SRGAP1: variants seen among roughly 807,000 people sequenced by gnomAD.
SRGAP1 encodes SLIT-ROBO Rho GTPase-activating protein 1.
In SRGAP1, 43 loss-of-function variants were observed where a neutral mutation model predicts 121.9. That is an observed-to-expected ratio of 0.35 (90% CI 0.28 to 0.46). The LOEUF (loss-of-function observed/expected upper bound fraction) is 0.46. Among genes scored for constraint, SRGAP1 ranks in the 20% least tolerant of loss-of-function variants. The pLI is 1.00. For missense variants in SRGAP1, 1,102 were observed against 1,350.9 expected (o/e 0.82, Z 2.89); for synonymous variants, 447 against 485.4 (o/e 0.92, Z 1.04).
intron 4 of SRGAP1, among the ~76,000 whole-genome samples, chr12:64,034,913 A>G (rs909036722): frequency 6.6e-6 from 1 of 152,128 alleles, no homozygotes; most frequent in Non-Finnish European, 1.5e-5. Flanking sequence ...CTTTGCTTTC[A>G]CTGATTTATG....
At chr12:64,115,989 TC>T in intron 18 of SRGAP1, 96 bp downstream of exon 18, 1 of 1,165,842 alleles carries the variant, frequency 8.6e-7, no homozygotes, top group Non-Finnish European at 1.2e-6. Context: ...GCACAGTGGC[TC>T]CTACCTATAA....
At chr12:63,904,159 T>C (rs1565943846) in intron 1 of SRGAP1, among the ~76,000 whole-genome samples, 1 of 152,184 alleles carries the variant, frequency 6.6e-6, no homozygotes, top group Non-Finnish European at 1.5e-5. Context: ...CCGCATTTGT[T>C]TGTACACCAA....
chr12:64,102,260 C>T (rs1335997587), intron 15 of SRGAP1, among the ~76,000 whole-genome samples: 2 of 152,218 alleles, frequency 1.3e-5, no homozygotes, highest in African/African-American at 4.8e-5. Context: ...TAATGTTATG[C>T]AATTAACATG....
intron 6 of SRGAP1, among the ~76,000 whole-genome samples, chr12:64,051,952 C>A (rs925599545): frequency 8.5e-5 from 13 of 152,152 alleles, no homozygotes; most frequent in Non-Finnish European, 1.2e-4. Context: ...TGAGTTCCAT[C>A]ACTGAACATG....
chr12:63,909,082 GT>G (rs1460133576), intron 1 of SRGAP1, among the ~76,000 whole-genome samples: 1 of 151,904 alleles, frequency 6.6e-6, no homozygotes, highest in Non-Finnish European at 1.5e-5. Flanking sequence ...TAGAGACGGG[GT>G]TTCACCATGT....
intron 1 of SRGAP1, among the ~76,000 whole-genome samples, chr12:63,963,549 C>G (rs372011120): frequency 2.0e-5 from 3 of 152,262 alleles, no homozygotes; most frequent in African/African-American, 7.2e-5. Flanking sequence ...TGGGAACATT[C>G]AGAATTCTGT....
rs1040984501 is a variant in SRGAP1 at position 64,153,337 on chromosome 12, G to A, written c.*10665G>A. 6.6e-6 allele frequency: 1 copy of A among 152,076 alleles called. No individual in the cohort carries two copies. Among genetic ancestry groups the A allele is most frequent in the African/African-American group, 2.4e-5 (1 of 41,366 alleles). The allele number at this position is 152,076 out of a possible 1,614,324, so 9.4% of individuals were successfully genotyped here. A position where few individuals can be genotyped will look rare whatever the true frequency, so the allele number is the denominator to read the frequency against. ...AGGTACTTAAAATTAGCCGGGCTTGGTGGTGCACAACTGTAATCCCACCTA... is the reference window on the plus strand; with the variant it reads ...AGGTACTTAAAATTAGCCGGGCTTGATGGTGCACAACTGTAATCCCACCTA... On this transcript the variant is annotated 3_prime_UTR_variant, in exon 22 of 22. Transcript: ENST00000355086.
At chr12:63,883,735 T>C (rs1026079094) in intron 1 of SRGAP1, among the ~76,000 whole-genome samples, 9 of 150,912 alleles carry the variant, frequency 6.0e-5, no homozygotes, top group Non-Finnish European at 1.2e-4. Context: ...CTCGGCTCAC[T>C]GCAAGCTCCA....
chr12:63,932,276 G>T (rs1403692159), intron 1 of SRGAP1, among the ~76,000 whole-genome samples: 1 of 152,124 alleles, frequency 6.6e-6, no homozygotes, highest in African/African-American at 2.4e-5. Flanking sequence ...GCTAGACTCT[G>T]TCTCAAAAAA....
At chr12:64,059,648 C>T (rs1363974489) in intron 6 of SRGAP1, among the ~76,000 whole-genome samples, 1 of 152,052 alleles carries the variant, frequency 6.6e-6, no homozygotes, top group East Asian at 1.9e-4. Context: ...TTCATTAACG[C>T]AAATTTCCTA....
chr12:63,872,990 A>G (rs1296550882), intron 1 of SRGAP1, among the ~76,000 whole-genome samples: 1 of 152,184 alleles, frequency 6.6e-6, no homozygotes, highest in Non-Finnish European at 1.5e-5. Flanking sequence ...TTCTGGGTAT[A>G]GGAAAGGCTC....
At chr12:63,882,584 C>G (rs184246351) in intron 1 of SRGAP1, among the ~76,000 whole-genome samples, 1 of 152,078 alleles carries the variant, frequency 6.6e-6, no homozygotes, top group South Asian at 2.1e-4. Context: ...ACGCCCGGCC[C>G]TATAATGTTT....
chr12:64,019,039 T>TA (rs34765674), intron 4 of SRGAP1, among the ~76,000 whole-genome samples: 1 of 152,056 alleles, frequency 6.6e-6, no homozygotes, highest in Non-Finnish European at 1.5e-5. Context: ...CCTAATACCT[T>TA]AAAAAAATAA....
chr12:64,088,320 A>G (rs941144092), intron 11 of SRGAP1, among the ~76,000 whole-genome samples: 1 of 152,236 alleles, frequency 6.6e-6, no homozygotes, highest in Admixed American at 6.5e-5. Context: ...TTTTTCACCT[A>G]TAGCATCTCC....
intron 1 of SRGAP1, among the ~76,000 whole-genome samples, chr12:63,951,384 G>A (rs543199704): frequency 3.3e-5 from 5 of 152,038 alleles, no homozygotes; most frequent in South Asian, 2.1e-4. Flanking sequence ...GGCTGGTCTC[G>A]AACTCCTGAC....
chr12:63,866,237 G>A (rs184712702), intron 1 of SRGAP1, among the ~76,000 whole-genome samples: 3 of 152,258 alleles, frequency 2.0e-5, no homozygotes, highest in African/African-American at 4.8e-5. Flanking sequence ...TCAACTTCCA[G>A]TGGCCAGCCA....
chr12:64,012,249 T>C (rs973508272), intron 3 of SRGAP1, among the ~76,000 whole-genome samples: 7 of 152,146 alleles, frequency 4.6e-5, no homozygotes. Flanking sequence ...CAATTGGAAA[T>C]AGGCTTGGAA....
In SRGAP1 at chr12:64,156,425, T is replaced by C. The variant is rs1247298512; in HGVS notation, c.*13753T>C. ...TCTATCCCATTTCCAGTGTTTTTGC[T>C]CTTTTAGTAGCAAATACTCTGAATC... On this transcript the variant is annotated 3_prime_UTR_variant, in exon 22 of 22. Coordinates refer to ENST00000355086, the MANE Select transcript of SRGAP1 (RefSeq NM_020762.4). The C allele has an allele frequency of 1.3e-5, 2 of 151,784 alleles. No individual in the cohort carries two copies. The highest frequency in any genetic ancestry group is 2.9e-5 in the Non-Finnish European group (2 of 67,816). The allele number at this position is 151,784 out of a possible 1,614,324, so 9.4% of individuals were successfully genotyped here. A position where few individuals can be genotyped will look rare whatever the true frequency, so the allele number is the denominator to read the frequency against.
chr12:64,105,890 T>C (rs1229322886), intron 15 of SRGAP1, among the ~76,000 whole-genome samples: 1 of 152,224 alleles, frequency 6.6e-6, no homozygotes, highest in African/African-American at 2.4e-5. Flanking sequence ...TTGACAAATA[T>C]TAAAGATGAA....
Sources: allele counts gnomAD v4.1 joint callset (sites outside exome capture counted in the v4.1 genomes callset), GRCh38; gene constraint gnomAD v4.1.1; transcripts MANE v1.5; gene names NCBI Gene and HGNC (gene_info 2026-07-23, HGNC 2026-07-21).